The following CACNA2D3 variants were observed in gnomAD, a reference collection of about 807,000 sequenced individuals.
The protein encoded by CACNA2D3 is voltage-dependent calcium channel subunit alpha-2/delta-3.
In CACNA2D3, 60 loss-of-function variants were observed where a neutral mutation model predicts 160.6. That is an observed-to-expected ratio of 0.37 (90% CI 0.30 to 0.46). The LOEUF is 0.46. Ranked by LOEUF, CACNA2D3 falls within the 20% of genes least tolerant of loss-of-function variation. The pLI, the probability that CACNA2D3 is intolerant of heterozygous loss-of-function variation, is 1.00. For synonymous variants in CACNA2D3, 558 were observed against 492.9 expected (o/e 1.13, Z -1.75); for missense variants, 1,205 against 1,365.0 (o/e 0.88, Z 1.85).
At chr3:54,493,473 T>G (rs1187897105) in intron 4 of CACNA2D3, among the ~76,000 whole-genome samples, 3 of 152,176 alleles carry the variant, frequency 2.0e-5, no homozygotes, top group Admixed American at 6.5e-5. Flanking sequence ...ATTCAGGACC[T>G]TCTCTGCCCT....
intron 2 of CACNA2D3, among the ~76,000 whole-genome samples, chr3:54,268,584 A>C (rs962754088): frequency 1.3e-5 from 2 of 151,844 alleles, no homozygotes; most frequent in Non-Finnish European, 2.9e-5. Flanking sequence ...TAATTTCTAT[A>C]TTTTTAGTAG....
At chr3:55,008,344 T>C (rs1703140748) in intron 33 of CACNA2D3, among the ~76,000 whole-genome samples, 1 of 152,194 alleles carries the variant, frequency 6.6e-6, no homozygotes, top group Admixed American at 6.5e-5. Context: ...ATGACTTAGA[T>C]AACACTTGAA....
At chr3:54,962,930 G>T (rs1333805392) in intron 27 of CACNA2D3, among the ~76,000 whole-genome samples, 3 of 152,104 alleles carry the variant, frequency 2.0e-5, no homozygotes, top group African/African-American at 4.8e-5. Context: ...TACGATATGA[G>T]AAAAGTTGTT....
chr3:55,043,428 C>CATGT (rs75224128), intron 35 of CACNA2D3, among the ~76,000 whole-genome samples: 25,227 of 150,006 alleles, frequency 0.17, 2,259 homozygotes, highest in Non-Finnish European at 0.19. Flanking sequence ...AGATTCTTTT[C>CATGT]ATGTAATTCC....
In CACNA2D3 at chr3:54,642,145, A is replaced by G; in HGVS notation, c.1071A>G (p.Gln357=). 1 of 1,612,264 alleles carries G rather than the reference A, an allele frequency of 6.2e-7. No individual in the cohort carries two copies. Among genetic ancestry groups the G allele is most frequent in the South Asian group, 1.1e-5 (1 of 90,700 alleles). ...NILSDFNHTG[Q]GSICSQAIML... is the part of the protein sequence containing the mutation. ...TTCCCTAGTTCAACCACACGGGACA[A>G]GGAAGTATCTGCAGTCAGGCCATCA... The change falls in exon 11 of 38, where the codon CAA becomes CAG. Residue 357 remains glutamine, a synonymous_variant. Coordinates refer to ENST00000474759, the MANE Select transcript of CACNA2D3 (RefSeq NM_018398.3).
intron 2 of CACNA2D3, among the ~76,000 whole-genome samples, chr3:54,316,456 C>T (rs1416336295): frequency 6.6e-6 from 1 of 152,090 alleles, no homozygotes; most frequent in African/African-American, 2.4e-5. Flanking sequence ...ATTAACATGT[C>T]TTGGAAGGAC....
intron 13 of CACNA2D3, among the ~76,000 whole-genome samples, chr3:54,796,198 G>C (rs554715418): frequency 1.3e-5 from 2 of 152,240 alleles, no homozygotes; most frequent in East Asian, 3.9e-4. Flanking sequence ...AGTTTTTAGG[G>C]AAAGAGCAGC....
intron 2 of CACNA2D3, among the ~76,000 whole-genome samples, chr3:54,292,498 T>C (rs1221367856): frequency 6.6e-6 from 1 of 151,934 alleles, no homozygotes; most frequent in East Asian, 1.9e-4. Context: ...CAACACAATT[T>C]AAAAATGAAC....
At chr3:54,638,512 C>T (rs1699429813) in intron 10 of CACNA2D3, 2 of 151,958 alleles carry the variant, frequency 1.3e-5, no homozygotes, top group African/African-American at 2.4e-5. Flanking sequence ...GAATTGGGAC[C>T]TAGCTCGGCC....
intron 31 of CACNA2D3, among the ~76,000 whole-genome samples, 168 bp from the exon 32 acceptor site, chr3:55,004,595 C>G (rs949343219): frequency 6.6e-6 from 1 of 152,256 alleles, no homozygotes; most frequent in African/African-American, 2.4e-5. Context: ...GACTGTGCCT[C>G]CAGCACTGGC....
At chr3:54,851,837 C>A (rs1034821351) in intron 17 of CACNA2D3, among the ~76,000 whole-genome samples, 1 of 152,158 alleles carries the variant, frequency 6.6e-6, no homozygotes, top group Non-Finnish European at 1.5e-5. Context: ...TGATATTTTA[C>A]ATTCTTTTCA....
chr3:54,489,000 C>T (rs1701063716), intron 4 of CACNA2D3, among the ~76,000 whole-genome samples: 1 of 152,142 alleles, frequency 6.6e-6, no homozygotes, highest in Admixed American at 6.5e-5. Context: ...GCAAGGGGAC[C>T]AGCATGGACA....
At chr3:54,916,063 T>C (rs1184203650) in intron 27 of CACNA2D3, among the ~76,000 whole-genome samples, 1 of 152,186 alleles carries the variant, frequency 6.6e-6, no homozygotes, top group Non-Finnish European at 1.5e-5. Context: ...CAGGGCCCAG[T>C]GCACTTGCTG....
intron 2 of CACNA2D3, among the ~76,000 whole-genome samples, chr3:54,156,835 C>T (rs1700253899): frequency 6.6e-6 from 1 of 152,212 alleles, no homozygotes; most frequent in Non-Finnish European, 1.5e-5. Context: ...ACATGAGATA[C>T]CCACCATGAG....
At chr3:54,629,386 G>T (rs1265087503) in intron 10 of CACNA2D3, among the ~76,000 whole-genome samples, 1 of 152,126 alleles carries the variant, frequency 6.6e-6, no homozygotes, top group African/African-American at 2.4e-5. Context: ...GAAAGGCTAG[G>T]CCCTAATTTC....
At chr3:54,457,822 C>G (rs185768046) in intron 4 of CACNA2D3, among the ~76,000 whole-genome samples, 2 of 152,158 alleles carry the variant, frequency 1.3e-5, no homozygotes, top group East Asian at 3.9e-4. Context: ...ATCCCTTTGT[C>G]ATTACATAAT....
chr3:54,821,641 GTTCTTTCT>G (rs1181056443), intron 14 of CACNA2D3, among the ~76,000 whole-genome samples: 4,682 of 107,880 alleles, frequency 0.043, 135 homozygotes, highest in South Asian at 0.07. Flanking sequence ...AGAGTCTTTC[GTTCTTTCT>G]TTCTTTCTTT....
chr3:54,601,945 A>G (rs888561700), intron 9 of CACNA2D3, among the ~76,000 whole-genome samples: 1 of 151,860 alleles, frequency 6.6e-6, no homozygotes, highest in Non-Finnish European at 1.5e-5. Flanking sequence ...CCAGTTAAAG[A>G]AAAAAAATAC....
intron 2 of CACNA2D3, among the ~76,000 whole-genome samples, chr3:54,293,107 G>T (rs1028824756): frequency 6.6e-6 from 1 of 152,190 alleles, no homozygotes; most frequent in African/African-American, 2.4e-5. Context: ...CTACTTATAC[G>T]AAGTACCTGG....
Sources: allele counts gnomAD v4.1 joint callset (sites outside exome capture counted in the v4.1 genomes callset), GRCh38; gene constraint gnomAD v4.1.1; transcripts MANE v1.5; gene names NCBI Gene and HGNC (gene_info 2026-07-23, HGNC 2026-07-21).